Variants in MRPL49 observed in about 807,000 individuals in gnomAD.
MRPL49 encodes the protein large ribosomal subunit protein mL49.
In MRPL49, 14 loss-of-function variants were observed where a neutral mutation model predicts 18.4. The observed-to-expected ratio is 0.76, with a 90% CI of 0.50 to 1.19. The LOEUF (loss-of-function observed/expected upper bound fraction) is 1.19. Ranked by LOEUF, MRPL49 falls within the 50% of genes most tolerant of loss-of-function variation. The probability of loss-of-function intolerance (pLI) is 0.00; values close to 1 mark genes in which losing one functional copy is unlikely to be tolerated. For missense variants in MRPL49, 190 were observed against 217.8 expected (o/e 0.87, Z 0.80); for synonymous variants, 104 against 86.2 (o/e 1.21, Z -1.14).
In MRPL49 at chr11:65,124,663, TG is replaced by T; in HGVS notation, c.229+13del. 1 of 1,612,368 alleles carries T rather than the reference TG, an allele frequency of 6.2e-7. No individual in the cohort carries two copies. The highest frequency in any genetic ancestry group is 8.5e-7 in the Non-Finnish European group (1 of 1,179,386). ...GGCAGCCTCCCAGAGGTGAGCTGGG[TG>T]GTTAGGGATGATTTGAAAGCTTCAC... On this transcript the variant is annotated intron_variant, in intron 2 of 3. Coordinates refer to ENST00000279242, the MANE Select transcript of MRPL49 (RefSeq NM_004927.4).
Position 65,125,494 on chromosome 11 carries a change from CA to C in MRPL49, c.237del (p.Asn81ThrfsTer27). On this transcript the variant is annotated frameshift_variant, in exon 3 of 4. Coordinates refer to ENST00000279242, the MANE Select transcript of MRPL49 (RefSeq NM_004927.4). LOFTEE classifies it high-confidence loss of function. ...PSGWQPPRDPPPNLPYFVRRS... is the reference protein window; with the variant it reads ...PSGWQPPRDPXPNLPYFVRRS... Reference sequence around the variant, plus strand: ...GTGTCTTTCCCTGTTGCAGACCCCCCACCCAACCTGCCTTACTTTGTACGAC... The same window carrying C: ...GTGTCTTTCCCTGTTGCAGACCCCCCCCCAACCTGCCTTACTTTGTACGAC... The C allele has an allele frequency of 6.2e-7, 1 of 1,613,802 alleles. No individual in the cohort carries two copies. The highest frequency in any genetic ancestry group is 8.5e-7 in the Non-Finnish European group (1 of 1,179,914).
chr11:65,126,043 A>T lies in MRPL49; in HGVS notation c.*171A>T. On this transcript the variant is annotated 3_prime_UTR_variant, in exon 4 of 4. Coordinates refer to ENST00000279242, the MANE Select transcript of MRPL49 (RefSeq NM_004927.4). ...TAAAGGAGAAAACAACTCTATGTAC[A>T]TGCTGGGGGAGAGTGCCTAATGTGG... is the stretch of plus-strand genomic sequence containing the variant. 1.5e-6 allele frequency: 1 copy of T among 682,834 alleles called. No homozygotes were observed. The highest frequency in any genetic ancestry group is 2.3e-6 in the Non-Finnish European group (1 of 428,016). The allele number at this position is 682,834 out of a possible 1,614,324, so 42.3% of individuals were successfully genotyped here.
intron 2 of MRPL49, chr11:65,125,201 G>A (rs1417261347): frequency 2.2e-6 from 1 of 448,394 alleles, no homozygotes; most frequent in African/African-American, 2.1e-5. Flanking sequence ...GAGGGCAAGG[G>A]TTGGCCTAGA....
rs528670269 is a variant in MRPL49, at chr11:65,125,966, A to G, written c.*94A>G. On this transcript the variant is annotated 3_prime_UTR_variant, in exon 4 of 4. Coordinates refer to ENST00000279242, the MANE Select transcript of MRPL49 (RefSeq NM_004927.4). ...AGGTGGGTGTTGGAGCCCCTGAGAC[A>G]GGGGATACAGAAACTAGGGCTAAAG... The G allele has an allele frequency of 1.7e-5, 24 of 1,441,388 alleles. No individual in the cohort carries two copies. In the Admixed American group the frequency reaches 4.0e-4, roughly 24 times the overall value. 89.3% of individuals were successfully genotyped at this position (1,441,388 alleles called of 1,614,324 possible).
intron 2 of MRPL49, chr11:65,125,140 C>A: frequency 2.8e-6 from 1 of 357,928 alleles, no homozygotes; most frequent in Non-Finnish European, 5.1e-6. Context: ...GCTTGCAAAT[C>A]CCAATCTCTT....
At chr11:65,124,941 A>G (rs541551039) in intron 2 of MRPL49, 1 of 358,006 alleles carries the variant, frequency 2.8e-6, no homozygotes, top group East Asian at 4.9e-5. Flanking sequence ...CCCCCAGCAG[A>G]CTATGTACTG....
At position 65,125,906 on chromosome 11, in the gene MRPL49, C is replaced by T; in HGVS notation, c.*34C>T. 2 of 1,584,174 alleles carry T rather than the reference C, an allele frequency of 1.3e-6. No homozygotes were observed. Among genetic ancestry groups the T allele is most frequent in the Non-Finnish European group, 1.7e-6 (2 of 1,162,218 alleles). ...CGAGCAGCCTGCTTGTCAGCATGCCCTGTGGATCAAGTCTAGGGGGCCTCA... is the reference window on the plus strand; with the variant it reads ...CGAGCAGCCTGCTTGTCAGCATGCCTTGTGGATCAAGTCTAGGGGGCCTCA... On this transcript the variant is annotated 3_prime_UTR_variant, in exon 4 of 4. Coordinates refer to ENST00000279242, the MANE Select transcript of MRPL49 (RefSeq NM_004927.4).
chr11:65,125,926 G>C lies in MRPL49; in HGVS notation c.*54G>C. The C allele has an allele frequency of 6.5e-7, 1 of 1,546,822 alleles. No homozygotes were observed. The highest frequency in any genetic ancestry group is 2.3e-5 in the East Asian group (1 of 44,056). On this transcript the variant is annotated 3_prime_UTR_variant, in exon 4 of 4. Coordinates refer to ENST00000279242, the MANE Select transcript of MRPL49 (RefSeq NM_004927.4). ...ATGCCCTGTGGATCAAGTCTAGGGG[G>C]CCTCAGGAGGAGGGAGGTGGGTGTT...
rs1235789431 is a variant in MRPL49 at position 65,127,016 on chromosome 11, C to A, written c.*1144C>A. 1 of 701,332 alleles carries A rather than the reference C, an allele frequency of 1.4e-6. No individual in the cohort carries two copies. The highest frequency in any genetic ancestry group is 1.5e-5 in the South Asian group (1 of 67,440). 43.4% of individuals were successfully genotyped at this position (701,332 alleles called of 1,614,324 possible). A position where few individuals can be genotyped will look rare whatever the true frequency, so the allele number is the denominator to read the frequency against. On this transcript the variant is annotated 3_prime_UTR_variant, in exon 4 of 4. Transcript: ENST00000279242. ...AAAGGCCTGAGACCCCACCCTGCCC[C>A]CAAACTGGCTAAGACAGCTTTCAGT...
At chr11:65,125,696 G>A (rs902160807) in intron 3 of MRPL49, 30 bp from the exon 4 acceptor site, 2 of 1,612,984 alleles carry the variant, frequency 1.2e-6, no homozygotes, top group African/African-American at 1.3e-5. Flanking sequence ...AGGGACTCTT[G>A]GCCTGACCTG....
Position 65,127,196 on chromosome 11 carries a change from G to A in MRPL49, c.*1324G>A. 1 of 561,154 alleles carries A rather than the reference G, an allele frequency of 1.8e-6. No individual in the cohort carries two copies. The highest frequency in any genetic ancestry group is 3.2e-6 in the Non-Finnish European group (1 of 316,912). The allele number at this position is 561,154 out of a possible 1,614,324, so 34.8% of individuals were successfully genotyped here. A position where few individuals can be genotyped will look rare whatever the true frequency, so the allele number is the denominator to read the frequency against. On this transcript the variant is annotated 3_prime_UTR_variant, in exon 4 of 4. Coordinates refer to ENST00000279242, the MANE Select transcript of MRPL49 (RefSeq NM_004927.4). ...TTCCATGGAAACCCTCACTCCTGGA[G>A]ATTCCATTCCATTTTCAAGTGTACA...
chr11:65,126,738 G>T lies in MRPL49; in HGVS notation c.*866G>T, dbSNP rs1948105997. On this transcript the variant is annotated 3_prime_UTR_variant, in exon 4 of 4. Coordinates refer to ENST00000279242, the MANE Select transcript of MRPL49 (RefSeq NM_004927.4). The stretch of plus-strand genomic sequence containing the variant: ...CACAGAGTGCCCACGTTAGCCCCGG[G>T]CTCTGATAGAGAGGTAGGAGGCACG... 2.1e-6 allele frequency: 1 copy of T among 477,590 alleles called. No individual in the cohort carries two copies. The highest frequency in any genetic ancestry group is 3.5e-5 in the East Asian group (1 of 28,466). The allele number at this position is 477,590 out of a possible 1,614,324, so 29.6% of individuals were successfully genotyped here.
chr11:65,124,903 G>GA (rs1412819236), intron 2 of MRPL49: 3 of 410,624 alleles, frequency 7.3e-6, no homozygotes, highest in African/African-American at 2.0e-5. Context: ...ACAACAGAGA[G>GA]AAAACCCAAG....
Position 65,122,321 on chromosome 11 carries a change from A to T in MRPL49, c.-26A>T, listed in dbSNP as rs780230031. On this transcript the variant is annotated 5_prime_UTR_variant, in exon 1 of 4. Coordinates refer to ENST00000279242, the MANE Select transcript of MRPL49 (RefSeq NM_004927.4). ...GGGGCGGGACCAGACAGTTGCGCGC[A>T]CAGAAGGCTGGCGTAGCAGGTAAAG... 8 of 1,608,506 alleles carry T rather than the reference A, an allele frequency of 5.0e-6. No individual in the cohort carries two copies. Among genetic ancestry groups the T allele is most frequent in the Non-Finnish European group, 5.9e-6 (7 of 1,177,928 alleles).
In MRPL49 at chr11:65,126,738, G is replaced by A; in HGVS notation, c.*866G>A. 1 of 477,708 alleles carries A rather than the reference G, an allele frequency of 2.1e-6. No homozygotes were observed. The highest frequency in any genetic ancestry group is 3.1e-5 in the South Asian group (1 of 32,028). The allele number at this position is 477,708 out of a possible 1,614,324, so 29.6% of individuals were successfully genotyped here. A position where few individuals can be genotyped will look rare whatever the true frequency, so the allele number is the denominator to read the frequency against. ...CACAGAGTGCCCACGTTAGCCCCGG[G>A]CTCTGATAGAGAGGTAGGAGGCACG... On this transcript the variant is annotated 3_prime_UTR_variant, in exon 4 of 4. Coordinates refer to ENST00000279242, the MANE Select transcript of MRPL49 (RefSeq NM_004927.4).
intron 2 of MRPL49, chr11:65,124,973 G>A: frequency 6.4e-6 from 2 of 314,120 alleles, no homozygotes; most frequent in Non-Finnish European, 1.2e-5. Context: ...ACAGCTTGGA[G>A]TCAGGCAGTT....
At chr11:65,124,677 T>C (rs1948083677) in intron 2 of MRPL49, 25 bp downstream of exon 2, 1 of 1,611,582 alleles carries the variant, frequency 6.2e-7, no homozygotes, top group South Asian at 1.1e-5. Context: ...TAGGGATGAT[T>C]TGAAAGCTTC....
In MRPL49 at chr11:65,126,557, A is replaced by C; in HGVS notation, c.*685A>C. 1 of 161,154 alleles carries C rather than the reference A, an allele frequency of 6.2e-6. No individual in the cohort carries two copies. Among genetic ancestry groups the C allele is most frequent in the Non-Finnish European group, 1.4e-5 (1 of 73,944 alleles). 10.0% of individuals were successfully genotyped at this position (161,154 alleles called of 1,614,324 possible). ...GTAGCACAGGGCAGAGCCACTGGGC[A>C]CTTTGTTTCCTTGGCCCTCCGAAGC... On this transcript the variant is annotated 3_prime_UTR_variant, in exon 4 of 4. Transcript: ENST00000279242.
Position 65,126,967 on chromosome 11 carries a change from C to T in MRPL49, c.*1095C>T, listed in dbSNP as rs1183294910. ...CCAGCTCACTAGCCTTCATATATGC[C>T]TTATACTTGGAGTCACAGGGGCCAA... is the stretch of plus-strand genomic sequence containing the variant. On this transcript the variant is annotated 3_prime_UTR_variant, in exon 4 of 4. Transcript: ENST00000279242. The T allele has an allele frequency of 7.4e-6, 5 of 679,978 alleles. No individual in the cohort carries two copies. The highest frequency in any genetic ancestry group is 6.2e-5 in the South Asian group (4 of 64,478). The allele number at this position is 679,978 out of a possible 1,614,324, so 42.1% of individuals were successfully genotyped here.
Sources: allele counts gnomAD v4.1 joint callset, GRCh38; gene constraint gnomAD v4.1.1; transcripts MANE v1.5; gene names NCBI Gene and HGNC (gene_info 2026-07-23, HGNC 2026-07-21).